DECR2: variants seen among roughly 807,000 people sequenced by gnomAD.
DECR2 encodes 2,4-dienoyl-CoA reductase 2, also known as peroxisomal 2,4-dienoyl-CoA reductase [(3E)-enoyl-CoA-producing].
DECR2 carries 34 observed loss-of-function variants against 29.2 expected under a neutral mutation model. The observed-to-expected ratio is 1.16, with a 90% CI of 0.89 to 1.55. The LOEUF (loss-of-function observed/expected upper bound fraction) is 1.55, where lower values mean the gene tolerates loss of function less well. Ranked by LOEUF, DECR2 falls within the 40% of genes most tolerant of loss-of-function variation. The pLI is 0.00. For synonymous variants in DECR2, 224 were observed against 182.7 expected (o/e 1.23, Z -1.82); for missense variants, 485 against 425.3 (o/e 1.14, Z -1.23).
chr16:410,099 T>A lies in DECR2; in HGVS notation c.338-144T>A. The A allele has an allele frequency of 8.1e-7, 1 of 1,228,952 alleles. No homozygotes were observed. The highest frequency in any genetic ancestry group is 1.1e-6 in the Non-Finnish European group (1 of 906,996). The allele number at this position is 1,228,952 out of a possible 1,614,324, so 76.1% of individuals were successfully genotyped here. A position where few individuals can be genotyped will look rare whatever the true frequency, so the allele number is the denominator to read the frequency against. ...CCGTCTTGCTCTGGTCATTTTGGAATTTATCCTAGGGCATGGGTCTCCTCC... is the reference window on the plus strand; with the variant it reads ...CCGTCTTGCTCTGGTCATTTTGGAAATTATCCTAGGGCATGGGTCTCCTCC... On this transcript the variant is annotated intron_variant, in intron 4 of 8. Coordinates refer to ENST00000219481, the MANE Select transcript of DECR2 (RefSeq NM_020664.4). This position sits in a 1 kb window ranked among gnomAD's most constrained non-coding sequence, Gnocchi z 4.1.
intron 4 of DECR2, 138 bp downstream of exon 4, chr16:407,698 A>G: frequency 7.3e-7 from 1 of 1,365,424 alleles, no homozygotes; most frequent in African/African-American, 1.5e-5. Context: ...CACCCCATCC[A>G]GGTACCTGAG....
Position 410,255 on chromosome 16 carries a change from A to T in DECR2, c.350A>T (p.Asn117Ile), listed in dbSNP as rs748445439. ...TCCCATTCTGCAGGTGCGGCCGGGAACTTCCTGTGCCCCGCTGGCGCCTTG... is the reference window on the plus strand; with the variant it reads ...TCCCATTCTGCAGGTGCGGCCGGGATCTTCCTGTGCCCCGCTGGCGCCTTG... ...IDILINCAAGNFLCPAGALSF... is the reference protein window; with the variant it reads ...IDILINCAAGIFLCPAGALSF... Residue 117 changes from asparagine (N) to isoleucine (I), a missense_variant, in exon 5 of 9, where the codon AAC becomes ATC. Physicochemically the swap from Asn to Ile is moderately radical, Grantham distance 149. Transcript: ENST00000219481. This position sits in a 1 kb window ranked among gnomAD's most constrained non-coding sequence, Gnocchi z 4.1. 6.2e-7 allele frequency: 1 copy of T among 1,613,262 alleles called. No homozygotes were observed. Among genetic ancestry groups the T allele is most frequent in the Non-Finnish European group, 8.5e-7 (1 of 1,179,698 alleles).
chr16:408,540 C>G (rs2054771920), intron 4 of DECR2, among the ~76,000 whole-genome samples: 1 of 146,174 alleles, frequency 6.8e-6, no homozygotes, highest in African/African-American at 2.5e-5. Flanking sequence ...TTTTTTTAGA[C>G]AGCATCTCAC....
At chr16:403,181 G>A (rs142585790) in intron 1 of DECR2, among the ~76,000 whole-genome samples, 248 of 148,272 alleles carry the variant, frequency 1.7e-3, no homozygotes, top group African/African-American at 5.9e-3. Context: ...ACAATACCAC[G>A]CTGGGCTAAT....
intron 1 of DECR2, 37 bp downstream of exon 1, chr16:402,080 C>T (rs2054672978): frequency 2.4e-6 from 3 of 1,255,542 alleles, no homozygotes; most frequent in South Asian, 2.0e-5. Flanking sequence ...AGCCTTGGTG[C>T]GGGGTCCGGT....
chr16:410,551 C>T lies in DECR2; in HGVS notation c.463-140C>T, dbSNP rs1329420049. The T allele has an allele frequency of 2.6e-5, 37 of 1,430,406 alleles. No homozygotes were observed. The highest frequency in any genetic ancestry group is 1.0e-4 in the South Asian group (8 of 79,802). 88.6% of individuals were successfully genotyped at this position (1,430,406 alleles called of 1,614,324 possible). A position where few individuals can be genotyped will look rare whatever the true frequency, so the allele number is the denominator to read the frequency against. On this transcript the variant is annotated intron_variant, in intron 5 of 8. Transcript: ENST00000219481. The surrounding 1 kb of genome is among the most constrained non-coding windows in gnomAD (Gnocchi z 4.1). ...CTGCCCTGGGCCTCCCCATGACGGC[C>T]GCCCGCTCCCTGCCCTGGGCCTCCC...
Position 410,946 on chromosome 16 carries a change from T to C in DECR2, c.557-26T>C, listed in dbSNP as rs530131762. The C allele has an allele frequency of 1.3e-6, 2 of 1,575,620 alleles. No homozygotes were observed. The highest frequency in any genetic ancestry group is 2.3e-5 in the South Asian group (2 of 86,162). On this transcript the variant is annotated intron_variant, in intron 6 of 8. Transcript: ENST00000219481. This position sits in a 1 kb window ranked among gnomAD's most constrained non-coding sequence, Gnocchi z 4.1. The stretch of plus-strand genomic sequence containing the variant: ...CCCTCGCAGAGGGCAGAGCGGCCCT[T>C]TCATATCCAACTTTCTTCTGTGCAG...
intron 2 of DECR2, 130 bp from the exon 3 acceptor site, chr16:406,216 G>T: frequency 1.1e-6 from 1 of 879,602 alleles, no homozygotes; most frequent in African/African-American, 2.0e-5. Context: ...ACGCCCCTGT[G>T]CCCTCTGCCA....
intron 1 of DECR2, among the ~76,000 whole-genome samples, chr16:404,035 T>A (rs1332352087): frequency 6.6e-6 from 1 of 151,248 alleles, no homozygotes; most frequent in East Asian, 2.0e-4. Context: ...TAGCTGGGCG[T>A]GGTGGCAGGT....
chr16:402,635 T>G (rs1202964814), intron 1 of DECR2, among the ~76,000 whole-genome samples: 2 of 151,968 alleles, frequency 1.3e-5, no homozygotes, highest in Non-Finnish European at 2.9e-5. Flanking sequence ...GCGGATCCTT[T>G]TTTTTTTTTC....
At chr16:404,393 C>T (rs1238274385) in intron 1 of DECR2, among the ~76,000 whole-genome samples, 1 of 150,464 alleles carries the variant, frequency 6.6e-6, no homozygotes, top group Admixed American at 6.6e-5. Flanking sequence ...CATGCACCAC[C>T]ACACCCGGCT....
rs753523219 is a variant in DECR2, at chr16:402,056, T to G, written c.80+13T>G. 159 of 1,371,190 alleles carry G rather than the reference T, an allele frequency of 1.2e-4. No homozygotes were observed. Among genetic ancestry groups the G allele is most frequent in the Non-Finnish European group, 1.4e-4 (145 of 1,058,272 alleles). 84.9% of individuals were successfully genotyped at this position (1,371,190 alleles called of 1,614,324 possible). A position where few individuals can be genotyped will look rare whatever the true frequency, so the allele number is the denominator to read the frequency against. ...CGGACCTGCTGCGGTGAGCGGGGCC[T>G]GGGAAGCGAGCGCAGCCTTGGTGCG... On this transcript the variant is annotated intron_variant, in intron 1 of 8. Transcript: ENST00000219481.
At chr16:403,118 C>A in intron 1 of DECR2, 1 of 761,646 alleles carries the variant, frequency 1.3e-6, no homozygotes, top group Non-Finnish European at 1.6e-6. Context: ...CCTGCCTCAG[C>A]CTCCCAATTC....
chr16:406,672 A>AT, intron 3 of DECR2: 1 of 629,830 alleles, frequency 1.6e-6, no homozygotes, highest in Non-Finnish European at 2.7e-6. Context: ...TAATTTTTGC[A>AT]TTTTTTTGGT....
chr16:407,423 A>G lies in DECR2; in HGVS notation c.202-2A>G, dbSNP rs2054739269. ...CTGTCTGCCTCTTTACCTGGCTTCT[A>G]GGCCGCCAGGAAGCTGGCTGGGGCC... On this transcript the variant is annotated splice_acceptor_variant, in intron 3 of 8. Coordinates refer to ENST00000219481, the MANE Select transcript of DECR2 (RefSeq NM_020664.4). LOFTEE classifies it high-confidence loss of function. 4 of 1,605,358 alleles carry G rather than the reference A, an allele frequency of 2.5e-6. No homozygotes were observed. The highest frequency in any genetic ancestry group is 1.9e-4 in the Middle Eastern group (1 of 5,308).
At chr16:404,737 C>A (rs549203129) in intron 1 of DECR2, among the ~76,000 whole-genome samples, 1 of 152,050 alleles carries the variant, frequency 6.6e-6, no homozygotes, top group Non-Finnish European at 1.5e-5. Flanking sequence ...TCAAGCTATT[C>A]TCCTGCCTCA....
At chr16:411,837 GT>G in intron 8 of DECR2, 52 bp from the exon 9 acceptor site, 1 of 469,704 alleles carries the variant, frequency 2.1e-6, no homozygotes. Context: ...CAGCCGAGGT[GT>G]TTTAGGGGGA....
rs952232616 is a variant in DECR2 at position 411,037 on chromosome 16, C to T, written c.622C>T (p.Pro208Ser). Residue 208 changes from proline to serine, a missense_variant, in exon 7 of 9, where the codon CCT becomes TCT. By Grantham distance (74) the Pro-to-Ser change is moderately conservative. Transcript: ENST00000219481. ...AAACATCCGCGTCAACAGCCTCGCC[C>T]CTGGCCCCATCAGTGGCACAGAGGG... The part of the protein sequence containing the change: ...PQNIRVNSLA[P>S]GPISGTEGLR... The T allele has an allele frequency of 1.9e-6, 3 of 1,589,464 alleles. No homozygotes were observed. Among genetic ancestry groups the T allele is most frequent in the Non-Finnish European group, 2.6e-6 (3 of 1,169,806 alleles).
chr16:405,568 G>A (rs1249219403), intron 2 of DECR2: 2 of 1,304,478 alleles, frequency 1.5e-6, no homozygotes, highest in African/African-American at 3.0e-5. Flanking sequence ...CCTAGCAGGG[G>A]TAGCTACCTT....
Sources: allele counts gnomAD v4.1 joint callset (sites outside exome capture counted in the v4.1 genomes callset), GRCh38; gene constraint gnomAD v4.1.1; non-coding constraint Gnocchi (gnomAD v3.1); transcripts MANE v1.5; gene names NCBI Gene and HGNC (gene_info 2026-07-23, HGNC 2026-07-21).